The following ZNF568 variants were observed in gnomAD, a reference collection of about 807,000 sequenced individuals.
ZNF568 encodes zinc finger protein 568, also known as p53 inhibitor of SCO2 activation.
In ZNF568, 11 loss-of-function variants were observed where a neutral mutation model predicts 18.1. That is an observed-to-expected ratio of 0.61 (90% confidence interval 0.38 to 1.00). The LOEUF is 1.00. ZNF568 is among the 50% of genes least tolerant of loss of function. The pLI is 0.01. For missense variants in ZNF568, 639 were observed against 768.2 expected, an observed-to-expected ratio of 0.83 and a Z score of 1.99; for synonymous variants, 213 against 246.6, an observed-to-expected ratio of 0.86 and a Z score of 1.28.
chr19:36,984,269 A>G (rs1270094573), downstream of ZNF568, among the ~76,000 whole-genome samples: 1 of 152,162 alleles, frequency 6.6e-6, no homozygotes, highest in Non-Finnish European at 1.5e-5. Flanking sequence ...AATTGAAGGT[A>G]TCATTTTTGT....
At chr19:36,991,593 T>C (rs2074424876) in intron 3 of ZNF568, 1 of 663,510 alleles carries the variant, frequency 1.5e-6, no homozygotes, top group East Asian at 2.8e-5. Flanking sequence ...TTTTTTCTAA[T>C]TAGACAAGAA....
chr19:36,975,127 C>T (rs1233294836), intron 7 of ZNF568, among the ~76,000 whole-genome samples: 4 of 145,862 alleles, frequency 2.7e-5, no homozygotes, highest in South Asian at 4.4e-4. Context: ...TTGCACGGCC[C>T]GCTTATCAAT....
chr19:36,975,806 C>T (rs1489192438), intron 7 of ZNF568, among the ~76,000 whole-genome samples: 3 of 146,692 alleles, frequency 2.0e-5, no homozygotes, highest in African/African-American at 7.6e-5. Context: ...AGCAATTCTT[C>T]TGCCTCAACC....
At position 36,922,852 on chromosome 19, in the gene ZNF568, G is replaced by A; in HGVS notation, c.76+6G>A. The stretch of plus-strand genomic sequence containing the variant: ...CCACATGATGGAAAGGAAAGGTGAG[G>A]TGGCTCATAGGTGGACAGAGCTTAG... On this transcript the variant is annotated splice_donor_region_variant and intron_variant, in intron 3 of 6. Coordinates refer to ENST00000333987, the MANE Select transcript of ZNF568 (RefSeq NM_198539.4). 1 of 1,613,742 alleles carries A rather than the reference G, an allele frequency of 6.2e-7. No individual in the cohort carries two copies.
chr19:36,965,019 A>G (rs1231447915), intron 6 of ZNF568, among the ~76,000 whole-genome samples: 2 of 152,212 alleles, frequency 1.3e-5, no homozygotes, highest in African/African-American at 4.8e-5. Context: ...AGGGACTTGT[A>G]TCTATACAAA....
intron 4 of ZNF568, among the ~76,000 whole-genome samples, chr19:36,930,946 C>T (rs1177385154): frequency 1.3e-5 from 2 of 152,090 alleles, no homozygotes; most frequent in African/African-American, 4.8e-5. Context: ...TTTTTTCAGT[C>T]AGAAATGTGT....
chr19:36,943,330 T>TA (rs35215711), intron 6 of ZNF568, among the ~76,000 whole-genome samples: 86,426 of 151,680 alleles, frequency 0.57, 25,478 homozygotes, highest in African/African-American at 0.7. Flanking sequence ...ATTATTTTAT[T>TA]GAGCGTCTTT....
At chr19:36,968,180 G>A (rs749799310) in intron 6 of ZNF568, among the ~76,000 whole-genome samples, 2 of 152,032 alleles carry the variant, frequency 1.3e-5, no homozygotes, top group African/African-American at 2.4e-5. Context: ...CTTATAAAAT[G>A]TAATTTCATG....
At chr19:36,924,453 G>T (rs940247966) in intron 3 of ZNF568, among the ~76,000 whole-genome samples, 2 of 150,652 alleles carry the variant, frequency 1.3e-5, no homozygotes, top group African/African-American at 4.9e-5. Context: ...TCCTGACCTC[G>T]TGATCCGCCC....
At chr19:36,983,893 C>CTTTTTTTTTTTT (rs57048125), downstream of ZNF568, among the ~76,000 whole-genome samples, 41 of 108,570 alleles carry the variant, frequency 3.8e-4, 4 homozygotes, top group Non-Finnish European at 4.5e-4. Context: ...CAACTTTGTC[C>CTTTTTTTTTTTT]TTTTTTTTTT....
chr19:36,928,196 G>A (rs1021107164), intron 4 of ZNF568, among the ~76,000 whole-genome samples: 9 of 151,426 alleles, frequency 5.9e-5, no homozygotes, highest in African/African-American at 2.2e-4. Context: ...AGGATTGCAG[G>A]CATGAGCCAT....
In ZNF568 at chr19:36,951,760, CT is replaced by C. The variant is rs1425397997; in HGVS notation, c.*673del. Reference sequence around the variant, plus strand: ...GTGCAATCTCAGCTCACTGCAGCCTCTGCTTTCCGGGTTTTTTTGTTTTGTT... The same window carrying C: ...GTGCAATCTCAGCTCACTGCAGCCTCGCTTTCCGGGTTTTTTTGTTTTGTT... On this transcript the variant is annotated 3_prime_UTR_variant, in exon 7 of 7. Transcript: ENST00000333987. 1.1e-5 allele frequency: 2 copies of C among 178,164 alleles called. No homozygotes were observed. The highest frequency in any genetic ancestry group is 6.7e-5 in the Admixed American group (1 of 14,840). The allele number at this position is 178,164 out of a possible 1,614,324, so 11.0% of individuals were successfully genotyped here.
rs560498664 is a variant in ZNF568 at position 36,933,913 on chromosome 19, T to G, written c.136-2833T>G. On this transcript the variant is annotated intron_variant, in intron 4 of 6. Transcript: ENST00000333987. ...CTTTTGGGTAGGTTTTTTTTTTTGT[T>G]TTGTTTTTTTGTTTTTTTTTTTTTT... 3.9e-3 allele frequency among the ~76,000 whole-genome samples: 130 copies of G among 33,158 alleles called. 1 individual carries two copies. The South Asian group carries it at 0.041, about 11-fold the overall frequency. 21.8% of individuals were successfully genotyped at this position (33,158 alleles called of 152,430 possible).
chr19:36,941,425 G>C (rs2073877621), intron 6 of ZNF568, among the ~76,000 whole-genome samples: 1 of 152,138 alleles, frequency 6.6e-6, no homozygotes, highest in South Asian at 2.1e-4. Context: ...CTCCTGATCA[G>C]CTTTATACTT....
intron 2 of ZNF568, among the ~76,000 whole-genome samples, chr19:36,918,672 G>A (rs1011917229): frequency 2.6e-5 from 4 of 152,090 alleles, no homozygotes; most frequent in African/African-American, 9.7e-5. Flanking sequence ...CCATATATAA[G>A]TGTACAGTTC....
intron 6 of ZNF568, among the ~76,000 whole-genome samples, chr19:36,960,728 C>CA (rs66625773): frequency 4.5e-4 from 63 of 139,700 alleles, no homozygotes; most frequent in Middle Eastern, 3.7e-3. Context: ...AACTCCATCT[C>CA]AAAAAAAAAA....
chr19:36,917,971 C>T (rs1299587494), intron 2 of ZNF568, among the ~76,000 whole-genome samples: 3 of 152,074 alleles, frequency 2.0e-5, no homozygotes, highest in African/African-American at 4.8e-5. Flanking sequence ...TTTTTTGAGA[C>T]GGAGTCTCGC....
At chr19:36,942,220 G>A (rs368209940) in intron 6 of ZNF568, among the ~76,000 whole-genome samples, 41 of 151,466 alleles carry the variant, frequency 2.7e-4, no homozygotes, top group African/African-American at 9.4e-4. Flanking sequence ...GACTCACCTC[G>A]GTCTCCCAAA....
At chr19:36,973,473 G>A (rs1624087) in intron 6 of ZNF568, 89,633 of 154,184 alleles carry the variant, frequency 0.58, 27,129 homozygotes, top group African/African-American at 0.74. Context: ...ATGGGAGAAG[G>A]GTGTCAGGGC....
Sources: gnomAD v4.1 joint callset for allele counts (sites outside exome capture counted in the v4.1 genomes callset) on GRCh38, gnomAD v4.1.1 for gene constraint, MANE v1.5 for transcripts, NCBI Gene and HGNC (gene_info 2026-07-23, HGNC 2026-07-21) for gene names.